FBXO34: variants seen among roughly 807,000 people sequenced by gnomAD.
The protein encoded by FBXO34 is F-box protein 34.
Under a neutral mutation model 24.5 loss-of-function variants are expected in FBXO34, and 12 were observed. That is an observed-to-expected ratio of 0.49 (90% CI 0.31 to 0.79). The LOEUF is 0.79. Ranked by LOEUF, FBXO34 falls within the 30% of genes least tolerant of loss-of-function variation. The probability of loss-of-function intolerance (pLI) is 0.04; values close to 1 mark genes in which losing one functional copy is unlikely to be tolerated. For synonymous variants in FBXO34, 320 were observed against 311.9 expected (o/e 1.03, Z -0.27); for missense variants, 823 against 857.7 (o/e 0.96, Z 0.51).
In FBXO34 at chr14:55,352,569, C is replaced by CA; in HGVS notation, c.*47dup. On this transcript the variant is annotated 3_prime_UTR_variant, in exon 2 of 2. Transcript: ENST00000313833. ...ACAAAAGGACCGGTTTCTAAAGCTGCAAAACACCTAGATACACCGTTCAAA... is the reference window on the plus strand; with the variant it reads ...ACAAAAGGACCGGTTTCTAAAGCTGCAAAAACACCTAGATACACCGTTCAAA... The CA allele has an allele frequency of 4.7e-6, 7 of 1,500,588 alleles. No homozygotes were observed. Among genetic ancestry groups the CA allele is most frequent in the Non-Finnish European group, 6.3e-6 (7 of 1,109,210 alleles). The allele number at this position is 1,500,588 out of a possible 1,614,324, so 93.0% of individuals were successfully genotyped here. A position where few individuals can be genotyped will look rare whatever the true frequency, so the allele number is the denominator to read the frequency against.
the FBXO34 span, chr14:55,378,011 T>G: frequency 6.2e-7 from 1 of 1,612,674 alleles, no homozygotes; most frequent in Non-Finnish European, 8.5e-7. Flanking sequence ...AAAGAATATT[T>G]GCATTCAGTT....
chr14:55,369,854 T>G (rs1428015565), downstream of FBXO34: 5 of 1,613,988 alleles, frequency 3.1e-6, no homozygotes, highest in Non-Finnish European at 4.2e-6. Flanking sequence ...CTCATCTGAT[T>G]CTCCAGCAAC....
downstream of FBXO34, among the ~76,000 whole-genome samples, chr14:55,354,187 C>T (rs74730507): frequency 0.013 from 1,903 of 152,224 alleles, 52 homozygotes; most frequent in African/African-American, 0.043. Context: ...AATAGCTTTT[C>T]CTTCAAGAGT....
At chr14:55,280,448 G>C (rs1881494811) in intron 1 of FBXO34, among the ~76,000 whole-genome samples, 1 of 151,292 alleles carries the variant, frequency 6.6e-6, no homozygotes, top group South Asian at 2.1e-4. Flanking sequence ...GGTATTTTAA[G>C]TAATCTAGAG....
chr14:55,348,254 G>A (rs1380921002), intron 1 of FBXO34, among the ~76,000 whole-genome samples: 1 of 152,014 alleles, frequency 6.6e-6, no homozygotes, highest in Non-Finnish European at 1.5e-5. Context: ...TTGGAGACAG[G>A]GTCTTGCTGT....
the FBXO34 span, among the ~76,000 whole-genome samples, chr14:55,418,447 G>C: frequency 1.3e-5 from 2 of 152,208 alleles, no homozygotes; most frequent in Non-Finnish European, 2.9e-5. Context: ...AGTCGTGTGT[G>C]TATAAGTCAA....
intron 1 of FBXO34, among the ~76,000 whole-genome samples, chr14:55,280,213 A>G (rs1881485528): frequency 6.6e-6 from 1 of 152,202 alleles, no homozygotes; most frequent in South Asian, 2.1e-4. Context: ...AATGTTTTAA[A>G]AAATGGGAAT....
At chr14:55,278,392 T>G (rs1881415761) in intron 1 of FBXO34, among the ~76,000 whole-genome samples, 1 of 152,192 alleles carries the variant, frequency 6.6e-6, no homozygotes, top group Non-Finnish European at 1.5e-5. Flanking sequence ...ATTTAGATTT[T>G]TTTAATGCAG....
intron 1 of FBXO34, among the ~76,000 whole-genome samples, chr14:55,315,250 A>C (rs186596239): frequency 2.6e-5 from 4 of 152,214 alleles, no homozygotes; most frequent in Admixed American, 2.6e-4. Flanking sequence ...TTTTCTGTTA[A>C]CTTCTCACTA....
chr14:55,388,716 C>T, the FBXO34 span, among the ~76,000 whole-genome samples: 5 of 152,092 alleles, frequency 3.3e-5, no homozygotes, highest in Non-Finnish European at 4.4e-5. Flanking sequence ...AGCATGAGTC[C>T]GAGCATAGTT....
chr14:55,386,052 A>T, the FBXO34 span: 1 of 1,613,160 alleles, frequency 6.2e-7, no homozygotes, highest in Non-Finnish European at 8.5e-7. Context: ...GCTCGACTGT[A>T]AAGCTTCTGA....
the FBXO34 span, among the ~76,000 whole-genome samples, chr14:55,407,560 C>A: frequency 3.6e-4 from 55 of 152,352 alleles, no homozygotes; most frequent in African/African-American, 3.1e-4. Flanking sequence ...CCACTGCGCC[C>A]AACCCCTATG....
At chr14:55,275,692 C>T (rs538873520) in intron 1 of FBXO34, among the ~76,000 whole-genome samples, 49 of 150,568 alleles carry the variant, frequency 3.3e-4, no homozygotes, top group Non-Finnish European at 6.4e-4. Flanking sequence ...GGCGTGGTGG[C>T]GGGTACCTGT....
the FBXO34 span, among the ~76,000 whole-genome samples, chr14:55,416,563 A>T: frequency 6.6e-6 from 1 of 152,226 alleles, no homozygotes; most frequent in Non-Finnish European, 1.5e-5. Flanking sequence ...TTACTGACAC[A>T]CATAAGAGAA....
the FBXO34 span, chr14:55,396,002 A>G: frequency 1.3e-6 from 2 of 1,554,660 alleles, no homozygotes; most frequent in Non-Finnish European, 8.7e-7. Context: ...AAAGAGACAG[A>G]AAATAAGCTC....
chr14:55,316,957 A>G (rs1410440331), intron 1 of FBXO34, among the ~76,000 whole-genome samples: 2 of 152,196 alleles, frequency 1.3e-5, no homozygotes, highest in Admixed American at 6.5e-5. Context: ...AACTGATTAG[A>G]AGCTCTGAAT....
chr14:55,389,483 A>G, the FBXO34 span, among the ~76,000 whole-genome samples: 1,482 of 152,330 alleles, frequency 9.7e-3, 30 homozygotes, highest in African/African-American at 0.034. Context: ...CTTTATTAGG[A>G]CAAATGTTTT....
the FBXO34 span, among the ~76,000 whole-genome samples, chr14:55,400,905 TAAATAAATAAAATA>T: frequency 2.2e-5 from 3 of 137,322 alleles, no homozygotes; most frequent in Non-Finnish European, 3.1e-5. Flanking sequence ...CTGTCTCAAA[TAAATAAATAAAATA>T]AAATAAAATA....
downstream of FBXO34, chr14:55,369,424 T>A (rs988711281): frequency 8.5e-6 from 4 of 471,498 alleles, no homozygotes; most frequent in Non-Finnish European, 1.4e-5. Flanking sequence ...TTAATTATCA[T>A]AAGCATGTTG....
Sources: gnomAD v4.1 joint callset for allele counts (sites outside exome capture counted in the v4.1 genomes callset) on GRCh38, gnomAD v4.1.1 for gene constraint, MANE v1.5 for transcripts, NCBI Gene and HGNC (gene_info 2026-07-23, HGNC 2026-07-21) for gene names.